Variants in RILPL2 observed in about 807,000 individuals in gnomAD.
RILPL2 encodes the protein Rab interacting lysosomal protein like 2.
In RILPL2, 19 loss-of-function variants were observed where a neutral mutation model predicts 22.2. That is an observed-to-expected ratio of 0.86 (90% CI 0.60 to 1.25). The LOEUF (loss-of-function observed/expected upper bound fraction) is 1.25. RILPL2 is among the 50% of genes most tolerant of loss of function. The pLI, the probability that RILPL2 is intolerant of heterozygous loss-of-function variation, is 0.00. For missense variants in RILPL2, 243 were observed against 263.6 expected (o/e 0.92, Z 0.54); for synonymous variants, 123 against 111.6 (o/e 1.10, Z -0.64).
intron 3 of RILPL2, among the ~76,000 whole-genome samples, chr12:123,418,002 GGT>G (rs1028642720): frequency 5.3e-5 from 8 of 152,174 alleles, no homozygotes; most frequent in African/African-American, 1.7e-4. Context: ...GGAGTGTAGT[GGT>G]GTGACCATGG....
rs765857295 is a variant in RILPL2, at chr12:123,430,502, G to T, written c.491+6C>A. 2.5e-6 allele frequency: 4 copies of T among 1,601,108 alleles called. No homozygotes were observed. The highest frequency in any genetic ancestry group is 1.7e-5 in the Admixed American group (1 of 59,218). On this transcript the variant is annotated splice_donor_region_variant and intron_variant, in intron 2 of 3. Transcript: ENST00000280571. ...GGTGCAGGACCCTCCAGGCAGTGGA[G>T]CCCACCTCTTGTAGCACTGCAGCTC...
chr12:123,423,811 A>G (rs756488387), intron 2 of RILPL2, among the ~76,000 whole-genome samples: 5 of 151,162 alleles, frequency 3.3e-5, no homozygotes, highest in Admixed American at 1.3e-4. Flanking sequence ...CCGCCACCAC[A>G]CCCGGCTCAT....
At chr12:123,410,363 G>A (rs564845315), downstream of RILPL2, among the ~76,000 whole-genome samples, 6 of 152,338 alleles carry the variant, frequency 3.9e-5, no homozygotes, top group South Asian at 2.1e-4. Flanking sequence ...GATTGGAACA[G>A]TGAGTAGAGC....
chr12:123,420,505 C>G (rs1879252530), intron 3 of RILPL2, among the ~76,000 whole-genome samples: 1 of 151,398 alleles, frequency 6.6e-6, no homozygotes, highest in Non-Finnish European at 1.5e-5. Flanking sequence ...GGTGCAATCT[C>G]AGTTCACTGC....
At chr12:123,424,972 C>T (rs921909190) in intron 2 of RILPL2, among the ~76,000 whole-genome samples, 13 of 152,020 alleles carry the variant, frequency 8.6e-5, no homozygotes, top group Admixed American at 2.6e-4. Context: ...CTCCGCCTCC[C>T]GGGTTCACGC....
At chr12:123,435,797 G>A (rs1879777022) in intron 1 of RILPL2, among the ~76,000 whole-genome samples, 1 of 151,788 alleles carries the variant, frequency 6.6e-6, no homozygotes, top group Non-Finnish European at 1.5e-5. Flanking sequence ...GTGGACCCTG[G>A]GCCAATAGCA....
intron 1 of RILPL2, among the ~76,000 whole-genome samples, chr12:123,432,249 T>C (rs1234446648): frequency 1.3e-5 from 2 of 152,172 alleles, no homozygotes; most frequent in Non-Finnish European, 2.9e-5. Flanking sequence ...CTCACGCCTG[T>C]AACCCCAGAA....
At chr12:123,421,885 C>G (rs1411939959) in intron 3 of RILPL2, among the ~76,000 whole-genome samples, 1 of 151,822 alleles carries the variant, frequency 6.6e-6, no homozygotes, top group Non-Finnish European at 1.5e-5. Context: ...CCAGGCTGGT[C>G]TCGAACTCCT....
intron 1 of RILPL2, among the ~76,000 whole-genome samples, chr12:123,431,413 T>C (rs1330426850): frequency 1.3e-5 from 2 of 151,818 alleles, no homozygotes; most frequent in Non-Finnish European, 2.9e-5. Context: ...AAGGAGACGT[T>C]GTTACTTAAC....
chr12:123,434,819 C>T (rs951013910), intron 1 of RILPL2, among the ~76,000 whole-genome samples: 9 of 152,000 alleles, frequency 5.9e-5, no homozygotes, highest in Admixed American at 5.3e-4. Flanking sequence ...CTTCTTTTCC[C>T]CCCACCACCA....
At chr12:123,413,652 C>G (rs932806075), downstream of RILPL2, 1 of 152,340 alleles carries the variant, frequency 6.6e-6, no homozygotes, top group African/African-American at 2.4e-5. Flanking sequence ...GAAAGGAACC[C>G]GAGCGGGTTG....
intron 1 of RILPL2, among the ~76,000 whole-genome samples, chr12:123,433,871 G>T (rs951218162): frequency 3.3e-5 from 5 of 152,136 alleles, no homozygotes; most frequent in Non-Finnish European, 5.9e-5. Flanking sequence ...TACAAGTAAG[G>T]TCAAATGTCT....
chr12:123,413,352 G>T (rs1215371654), downstream of RILPL2: 2 of 154,930 alleles, frequency 1.3e-5, no homozygotes, highest in Middle Eastern at 2.9e-3. Context: ...TCCAGAGTTT[G>T]TTCCTTCTGA....
intron 1 of RILPL2, among the ~76,000 whole-genome samples, chr12:123,434,708 G>A (rs1294240203): frequency 6.6e-6 from 1 of 151,980 alleles, no homozygotes; most frequent in Non-Finnish European, 1.5e-5. Flanking sequence ...TTACAGGCGT[G>A]AGTCACAGCA....
intron 2 of RILPL2, among the ~76,000 whole-genome samples, chr12:123,426,664 G>A (rs576336124): frequency 3.0e-4 from 44 of 147,410 alleles, no homozygotes; most frequent in Non-Finnish European, 6.0e-4. Flanking sequence ...GCAGTGGCGC[G>A]ATCTCGGCTC....
chr12:123,419,136 G>T (rs1020221323), intron 3 of RILPL2, among the ~76,000 whole-genome samples: 13 of 151,314 alleles, frequency 8.6e-5, no homozygotes, highest in African/African-American at 3.2e-4. Context: ...TCAGCCTCCC[G>T]AGTAGCTGGG....
At chr12:123,410,418 GTGTT>G (rs1878937749), downstream of RILPL2, among the ~76,000 whole-genome samples, 1 of 152,178 alleles carries the variant, frequency 6.6e-6, no homozygotes, top group Non-Finnish European at 1.5e-5. Context: ...TCAGTTTTAA[GTGTT>G]TGTCAGCCGT....
chr12:123,417,690 A>G (rs1445477026), intron 3 of RILPL2, among the ~76,000 whole-genome samples: 1 of 152,132 alleles, frequency 6.6e-6, no homozygotes, highest in African/African-American at 2.4e-5. Context: ...AGTTCAAGCA[A>G]TTCTCCTGCC....
rs138967314 is a variant in RILPL2, at chr12:123,433,666, C to T, written c.339+2416G>A. On this transcript the variant is annotated intron_variant, in intron 1 of 3. Transcript: ENST00000280571. ...GCCTCAAGCGATCTGCCTGCCTCGA[C>T]CTCCCAAAGTGTTGGGATTACAGGT... 8.0e-3 allele frequency among the ~76,000 whole-genome samples: 1,215 copies of T among 152,222 alleles called. 19 individuals carry two copies. Among genetic ancestry groups the T allele is most frequent in the African/African-American group, 0.028 (1,170 of 41,524 alleles).
Sources: gnomAD v4.1 joint callset for allele counts (sites outside exome capture counted in the v4.1 genomes callset) on GRCh38, gnomAD v4.1.1 for gene constraint, MANE v1.5 for transcripts, NCBI Gene and HGNC (gene_info 2026-07-23, HGNC 2026-07-21) for gene names.